Variants in PPP2R3B observed in about 807,000 individuals in gnomAD.
The protein encoded by PPP2R3B is protein phosphatase 2 regulatory subunit B''beta, also known as serine/threonine-protein phosphatase 2A regulatory subunit B'' subunit beta.
In PPP2R3B, 68 loss-of-function variants were observed where a neutral mutation model predicts 72.9. The ratio of observed to expected loss-of-function variants is 0.93; its 90% CI spans 0.77 to 1.14. The LOEUF is 1.14. Ranked by LOEUF, PPP2R3B falls within the 50% of genes most tolerant of loss-of-function variation. PPP2R3B has a pLI of 0.00. For synonymous variants in PPP2R3B, 466 were observed against 375.8 expected, an observed-to-expected ratio of 1.24 and a Z score of -2.78; for missense variants, 1,018 against 842.0, an observed-to-expected ratio of 1.21 and a Z score of -2.59.
chrX:382,320 C>A (rs1462939216), intron 1 of PPP2R3B, among the ~76,000 whole-genome samples: 1 of 151,888 alleles, frequency 6.6e-6, no homozygotes, highest in East Asian at 1.9e-4. Context: ...GCCTCAGCCT[C>A]CAGAGTAGCT....
intron 1 of PPP2R3B, among the ~76,000 whole-genome samples, chrX:364,471 C>A (rs1233254301): frequency 6.8e-6 from 1 of 146,768 alleles, no homozygotes; most frequent in Non-Finnish European, 1.5e-5. Flanking sequence ...GAGTTCAAGA[C>A]CAGCCTGGGC....
Position 341,962 on chromosome X carries a change from G to A in PPP2R3B, c.1037-31C>T, listed in dbSNP as rs553362418. ...AAGGAATGCGGTTGATGGGCAGCCC[G>A]CACCGTGCCTCGGCCCCGACGTCAC... On this transcript the variant is annotated intron_variant, in intron 7 of 12. Transcript: ENST00000390665. The A allele has an allele frequency of 1.3e-5, 21 of 1,612,004 alleles. No individual in the cohort carries two copies. The African/African-American group carries it at 1.6e-4, about 12-fold the overall frequency.
intron 2 of PPP2R3B, among the ~76,000 whole-genome samples, chrX:350,093 G>A (rs149967652): frequency 0.019 from 2,820 of 152,284 alleles, 109 homozygotes; most frequent in African/African-American, 0.064. Flanking sequence ...CCCACTGCCC[G>A]GTTTCAACCC....
chrX:338,886 C>G lies in PPP2R3B; in HGVS notation c.1362G>C (p.Thr454=), dbSNP rs764312763. Residue 454 remains threonine, a synonymous_variant, in exon 11 of 13, where the codon ACG becomes ACC. Coordinates refer to ENST00000390665, the MANE Select transcript of PPP2R3B (RefSeq NM_013239.5). ...LVKPRTEGKI[T]LQDLKRCKLA... is the part of the protein sequence containing the mutation. Reference sequence around the variant, plus strand: ...GCTTGCAGCGCTTCAGGTCCTGCAGCGTGATCTTCCCTGCGGGGAGGGGAG... The same window carrying G: ...GCTTGCAGCGCTTCAGGTCCTGCAGGGTGATCTTCCCTGCGGGGAGGGGAG... The G allele has an allele frequency of 2.0e-5, 32 of 1,612,148 alleles. No homozygotes were observed. The East Asian group carries it at 6.9e-4, about 35-fold the overall frequency.
At chrX:380,275 C>CCAGA (rs2072093837) in intron 1 of PPP2R3B, among the ~76,000 whole-genome samples, 1 of 152,114 alleles carries the variant, frequency 6.6e-6, no homozygotes. Context: ...AAAAAGCAAG[C>CCAGA]CAGACTCAAG....
rs773168896 is a variant in PPP2R3B, at chrX:383,001, A to C, written c.324+3367T>G. Among the ~76,000 whole-genome samples the C allele has an allele frequency of 7.9e-5, 12 of 152,184 alleles. No homozygotes were observed. The South Asian group carries it at 2.3e-3, about 29-fold the overall frequency. Reference sequence around the variant, plus strand: ...TGAGGGATTTGGGCAAGAGTTCCTAAGGTGCTTCAGGTTTTGCAGCTCACT... The same window carrying C: ...TGAGGGATTTGGGCAAGAGTTCCTACGGTGCTTCAGGTTTTGCAGCTCACT... On this transcript the variant is annotated intron_variant, in intron 1 of 12. Coordinates refer to ENST00000390665, the MANE Select transcript of PPP2R3B (RefSeq NM_013239.5).
Position 341,413 on chromosome X carries a change from G to A in PPP2R3B, c.1086-17C>T. On this transcript the variant is annotated splice_polypyrimidine_tract_variant and intron_variant, in intron 8 of 12. Coordinates refer to ENST00000390665, the MANE Select transcript of PPP2R3B (RefSeq NM_013239.5). ...TTTCTGCCTCTAGATCGAAAGCCAG[G>A]ATGGAGAGACGAAGATGCATGTCAG... The A allele has an allele frequency of 3.7e-6, 6 of 1,611,422 alleles. No homozygotes were observed. Among genetic ancestry groups the A allele is most frequent in the Non-Finnish European group, 5.1e-6 (6 of 1,178,682 alleles).
chrX:344,775 A>AG (rs2071160823), intron 7 of PPP2R3B: 1 of 261,940 alleles, frequency 3.8e-6, no homozygotes, highest in South Asian at 4.1e-5. Flanking sequence ...CGTCCGACGC[A>AG]GGGATCTACT....
In PPP2R3B at chrX:341,935, G is replaced by A. The variant is rs200870204; in HGVS notation, c.1037-4C>T. On this transcript the variant is annotated splice_polypyrimidine_tract_variant and splice_region_variant and intron_variant, in intron 7 of 12. Transcript: ENST00000390665. ...TCTATCATCTTGGTAGAAAGGGCTGGAAAGGAATGCGGTTGATGGGCAGCC... is the reference window on the plus strand; with the variant it reads ...TCTATCATCTTGGTAGAAAGGGCTGAAAAGGAATGCGGTTGATGGGCAGCC... 1.1e-3 allele frequency: 1,839 copies of A among 1,612,672 alleles called. 4 individuals carry two copies. The highest frequency in any genetic ancestry group is 1.4e-3 in the Non-Finnish European group (1,596 of 1,179,742).
At chrX:341,745 G>C (rs768501156) in intron 8 of PPP2R3B, 138 bp downstream of exon 8, 3 of 937,958 alleles carry the variant, frequency 3.2e-6, no homozygotes, top group Non-Finnish European at 5.2e-6. Context: ...ACAGAGACAC[G>C]TGCCCCCCTC....
At chrX:354,237 AC>A (rs1330275955) in intron 2 of PPP2R3B, among the ~76,000 whole-genome samples, 1 of 53,598 alleles carries the variant, frequency 1.9e-5, no homozygotes, top group East Asian at 5.4e-4. Flanking sequence ...CCGGGGGCTC[AC>A]CCAAACACTG....
intron 1 of PPP2R3B, among the ~76,000 whole-genome samples, chrX:370,523 G>A (rs1408984186): frequency 6.6e-6 from 1 of 152,206 alleles, no homozygotes; most frequent in Non-Finnish European, 1.5e-5. Flanking sequence ...ACACAGCGAG[G>A]GGAGGATCCG....
chrX:340,482 GTCCC>G (rs2071031504), intron 10 of PPP2R3B, among the ~76,000 whole-genome samples: 3 of 104,684 alleles, frequency 2.9e-5, no homozygotes, highest in Non-Finnish European at 6.2e-5. Context: ...ACCCTGGGCC[GTCCC>G]CCCTCCCGTC....
chrX:345,780 TGGGTGG>T, intron 6 of PPP2R3B, 108 bp from the exon 7 acceptor site: 1 of 156,876 alleles, frequency 6.4e-6, no homozygotes, highest in Non-Finnish European at 1.2e-5. Flanking sequence ...GGCCGCTCCG[TGGGTGG>T]GGGGGACTGG....
At position 361,437 on chromosome X, in the gene PPP2R3B, C is replaced by A. The variant is rs1478796458; in HGVS notation, c.478G>T (p.Ala160Ser). Reference sequence around the variant, plus strand: ...ACCAGGCCCATGTCATCCATGGTGGCCCTCTCGTGGGGGAACCGGGCGAAG... The same window carrying A: ...ACCAGGCCCATGTCATCCATGGTGGACCTCTCGTGGGGGAACCGGGCGAAG... ...STFARFPHER[A>S]TMDDMGLVAK... Residue 160 changes from alanine to serine, a missense_variant, in exon 2 of 13, where the codon GCC (alanine) becomes TCC (serine). Ala to Ser is a moderately conservative substitution (Grantham distance 99). Coordinates refer to ENST00000390665, the MANE Select transcript of PPP2R3B (RefSeq NM_013239.5). The A allele has an allele frequency of 2.4e-5, 38 of 1,613,878 alleles. No individual in the cohort carries two copies. The highest frequency in any genetic ancestry group is 3.3e-5 in the Admixed American group (2 of 60,002).
intron 2 of PPP2R3B, among the ~76,000 whole-genome samples, chrX:349,892 G>A (rs1403776057): frequency 6.6e-6 from 1 of 152,164 alleles, no homozygotes; most frequent in African/African-American, 2.4e-5. Context: ...TTCACAGACT[G>A]CAGTTTCCTC....
chrX:385,111 C>A (rs1304783555), intron 1 of PPP2R3B, among the ~76,000 whole-genome samples: 1 of 151,760 alleles, frequency 6.6e-6, no homozygotes, highest in African/African-American at 2.4e-5. Flanking sequence ...GGGGCCTAAC[C>A]ATAATGCATT....
rs2071139838 is a variant in PPP2R3B, at chrX:344,110, TGAGACCTCACCAA to T, written c.1036+1393_1036+1405del. Among the ~76,000 whole-genome samples, 5 of 14,538 alleles carry T rather than the reference TGAGACCTCACCAA, an allele frequency of 3.4e-4. 1 individual carries two copies. Among genetic ancestry groups the T allele is most frequent in the African/African-American group, 6.4e-4 (2 of 3,130 alleles). 9.5% of individuals were successfully genotyped at this position (14,538 alleles called of 152,430 possible). A position where few individuals can be genotyped will look rare whatever the true frequency, so the allele number is the denominator to read the frequency against. ...AGACCTCACCAACGGGAGGCGGGAG[TGAGACCTCACCAA>T]CGGGAGGCGGGAGGGAGACCTCAGC... On this transcript the variant is annotated intron_variant, in intron 7 of 12. Transcript: ENST00000390665.
In PPP2R3B at chrX:345,262, C is replaced by T. The variant is rs772899334; in HGVS notation, c.1036+254G>A. On this transcript the variant is annotated intron_variant, in intron 7 of 12. Transcript: ENST00000390665. ...GCCCTCGGGCCAGGAGCTTCAGGAC[C>T]AGCGGCCCACACTGACCCTGTAGAC... The T allele has an allele frequency of 7.3e-6, 5 of 687,924 alleles. No individual in the cohort carries two copies. The South Asian group carries it at 7.5e-5, about 10-fold the overall frequency. The allele number at this position is 687,924 out of a possible 1,614,324, so 42.6% of individuals were successfully genotyped here.
Sources: allele counts gnomAD v4.1 joint callset (sites outside exome capture counted in the v4.1 genomes callset), GRCh38; gene constraint gnomAD v4.1.1; transcripts MANE v1.5; gene names NCBI Gene and HGNC (gene_info 2026-07-23, HGNC 2026-07-21).